Variants in OSBPL9 observed in about 807,000 individuals in gnomAD.
OSBPL9 encodes oxysterol-binding protein-related protein 9.
In OSBPL9, 40 loss-of-function variants were observed where a neutral mutation model predicts 106.6. The observed-to-expected ratio is 0.38, with a 90% CI of 0.29 to 0.49. The LOEUF is 0.49. Ranked by LOEUF, OSBPL9 falls within the 20% of genes least tolerant of loss-of-function variation. The pLI, the probability that OSBPL9 is intolerant of heterozygous loss-of-function variation, is 0.97. For synonymous variants in OSBPL9, 269 were observed against 295.4 expected, an observed-to-expected ratio of 0.91 and a Z score of 0.92; for missense variants, 609 against 887.2, an observed-to-expected ratio of 0.69 and a Z score of 3.98.
intron 4 of OSBPL9, among the ~76,000 whole-genome samples, chr1:51,742,176 C>T (rs976655402): frequency 8.5e-5 from 13 of 152,154 alleles, no homozygotes; most frequent in Non-Finnish European, 1.6e-4. Flanking sequence ...GGCATAGTTC[C>T]TGCCCTTGTG....
chr1:51,519,161 C>T, the OSBPL9 span: 6 of 1,416,080 alleles, frequency 4.2e-6, no homozygotes, highest in East Asian at 5.7e-5. Context: ...GAGGGGGCAC[C>T]GGCCGGCCAA....
rs1377151046 is a variant in OSBPL9 at position 51,750,200 on chromosome 1, GTAAATTT to G, written c.543+8_543+14del. On this transcript the variant is annotated splice_donor_region_variant and intron_variant, in intron 8 of 23. Coordinates refer to ENST00000428468, the MANE Select transcript of OSBPL9 (RefSeq NM_024586.6). Reference sequence around the variant, plus strand: ...GTGTTGCTGCAGATTGCCAAAGTAAGTAAATTTTACTTTCAATTACCTTTGTGTATGG... The same window carrying G: ...GTGTTGCTGCAGATTGCCAAAGTAAGTACTTTCAATTACCTTTGTGTATGG... 4 of 1,598,004 alleles carry G rather than the reference GTAAATTT, an allele frequency of 2.5e-6. No homozygotes were observed. Among genetic ancestry groups the G allele is most frequent in the Non-Finnish European group, 8.5e-7 (1 of 1,171,302 alleles).
rs993283634 is a variant in OSBPL9, at chr1:51,788,484, T to A, written c.*695T>A. The A allele has an allele frequency of 1.3e-5, 2 of 152,652 alleles. No individual in the cohort carries two copies. The highest frequency in any genetic ancestry group is 2.9e-5 in the Non-Finnish European group (2 of 68,046). The allele number at this position is 152,652 out of a possible 1,614,324, so 9.5% of individuals were successfully genotyped here. A position where few individuals can be genotyped will look rare whatever the true frequency, so the allele number is the denominator to read the frequency against. On this transcript the variant is annotated 3_prime_UTR_variant, in exon 24 of 24. Coordinates refer to ENST00000428468, the MANE Select transcript of OSBPL9 (RefSeq NM_024586.6). ...TTTTTTAAAAATGTGCATCTTTTAT[T>A]ATCTTTTATGGTTAAACTTGGAAGC...
chr1:51,745,337 C>A, intron 4 of OSBPL9, 199 bp from the exon 5 acceptor site: 1 of 641,726 alleles, frequency 1.6e-6, no homozygotes, highest in Non-Finnish European at 2.4e-6. Flanking sequence ...AGAAGGGAAG[C>A]AGTGCTCCAA....
chr1:51,546,408 G>A, the OSBPL9 span, among the ~76,000 whole-genome samples: 2 of 151,916 alleles, frequency 1.3e-5, no homozygotes, highest in Non-Finnish European at 2.9e-5. Flanking sequence ...CTAGATAAAA[G>A]ACAACATGGC....
Position 51,785,879 on chromosome 1 carries a change from C to G in OSBPL9, c.1901C>G (p.Ala634Gly). 6.2e-7 allele frequency: 1 copy of G among 1,609,922 alleles called. No homozygotes were observed. The highest frequency in any genetic ancestry group is 8.5e-7 in the Non-Finnish European group (1 of 1,178,728). Residue 634 changes from alanine (A) to glycine (G), a missense_variant, in exon 21 of 24, where the codon GCA (alanine) becomes GGA (glycine). By Grantham distance (60) the Ala-to-Gly change is moderately conservative (BLOSUM62 0). Transcript: ENST00000428468. Reference sequence around the variant, plus strand: ...AATGGTGTGATGTATGCAAAATATGCAACAGGGGTAAGATCCTCTATTTTG... The same window carrying G: ...AATGGTGTGATGTATGCAAAATATGGAACAGGGGTAAGATCCTCTATTTTG... ...EWNGVMYAKY[A>G]TGENTVFVDT...
At chr1:51,776,188 A>G (rs1675035294) in intron 14 of OSBPL9, among the ~76,000 whole-genome samples, 3 of 151,582 alleles carry the variant, frequency 2.0e-5, no homozygotes, top group Admixed American at 2.0e-4. Context: ...TTAATTGCTC[A>G]TTTAAAAGTT....
At chr1:51,638,407 A>G (rs1213143449) in intron 1 of OSBPL9, among the ~76,000 whole-genome samples, 1 of 152,116 alleles carries the variant, frequency 6.6e-6, no homozygotes, top group Non-Finnish European at 1.5e-5. Context: ...CTAGTACATT[A>G]AATGCTATCA....
At chr1:51,596,705 G>A (rs1390395762) in intron 1 of OSBPL9, among the ~76,000 whole-genome samples, 2 of 151,874 alleles carry the variant, frequency 1.3e-5, no homozygotes, top group Non-Finnish European at 2.9e-5. Flanking sequence ...GCTTGAACCC[G>A]GGAGGCGGAG....
chr1:51,648,544 G>C (rs908823174), intron 1 of OSBPL9, among the ~76,000 whole-genome samples: 4 of 152,132 alleles, frequency 2.6e-5, no homozygotes, highest in Admixed American at 2.0e-4. Flanking sequence ...GGCTGTGTCT[G>C]GTGAAAGCAG....
At chr1:51,787,232 AAGG>A (rs770602402) in intron 22 of OSBPL9, 118 bp from the exon 23 acceptor site, 235 of 929,644 alleles carry the variant, frequency 2.5e-4, no homozygotes, top group Non-Finnish European at 3.6e-4. Flanking sequence ...GTGCCAGCGT[AAGG>A]AGATTTAGTC....
At chr1:51,785,741 C>T in intron 20 of OSBPL9, 67 bp from the exon 21 acceptor site, 2 of 1,393,542 alleles carry the variant, frequency 1.4e-6, no homozygotes, top group Non-Finnish European at 2.0e-6. Flanking sequence ...AGTTGGGCCA[C>T]ACTGAGCAGA....
chr1:51,568,836 T>C, the OSBPL9 span, among the ~76,000 whole-genome samples: 1 of 152,178 alleles, frequency 6.6e-6, no homozygotes, highest in African/African-American at 2.4e-5. Context: ...TTCAAGCAAT[T>C]ATCCTGCCTG....
intron 4 of OSBPL9, among the ~76,000 whole-genome samples, chr1:51,727,966 G>T: frequency 6.6e-6 from 1 of 152,206 alleles, no homozygotes. Context: ...AGGAAATGAT[G>T]ATGAGTAGAA....
At chr1:51,764,783 C>T (rs1321200241) in intron 11 of OSBPL9, among the ~76,000 whole-genome samples, 3 of 152,136 alleles carry the variant, frequency 2.0e-5, no homozygotes, top group Admixed American at 2.0e-4. Flanking sequence ...GGGGCTCTCA[C>T]TTTGTTGCAC....
chr1:51,738,231 G>T (rs1666136284), intron 4 of OSBPL9, among the ~76,000 whole-genome samples: 1 of 151,990 alleles, frequency 6.6e-6, no homozygotes. Flanking sequence ...GTCAAAGGGT[G>T]TATTAGTATC....
chr1:51,780,615 A>G (rs1310436554), intron 15 of OSBPL9, among the ~76,000 whole-genome samples: 1 of 152,218 alleles, frequency 6.6e-6, no homozygotes, highest in Non-Finnish European at 1.5e-5. Flanking sequence ...AGACTCAGGA[A>G]TGAAAAACCA....
intron 21 of OSBPL9, 112 bp from the exon 22 acceptor site, chr1:51,786,414 T>C: frequency 3.0e-6 from 2 of 667,536 alleles, no homozygotes; most frequent in Non-Finnish European, 5.2e-6. Context: ...GAGGAGCCAG[T>C]TAACTGCATT....
intron 1 of OSBPL9, among the ~76,000 whole-genome samples, chr1:51,650,585 C>T (rs1007180163): frequency 5.3e-5 from 8 of 152,006 alleles, no homozygotes; most frequent in African/African-American, 1.9e-4. Context: ...AAAAAGAATA[C>T]TCTGTTTAGT....
Sources: allele counts gnomAD v4.1 joint callset (sites outside exome capture counted in the v4.1 genomes callset), GRCh38; gene constraint gnomAD v4.1.1; transcripts MANE v1.5; gene names NCBI Gene and HGNC (gene_info 2026-07-23, HGNC 2026-07-21).